PCSK7: variants seen among roughly 807,000 people sequenced by gnomAD.
PCSK7 encodes lymphoma proprotein convertase.
Under a neutral mutation model 73.3 loss-of-function variants are expected in PCSK7, and 38 were observed. That is an observed-to-expected ratio of 0.52 (90% CI 0.40 to 0.68). The LOEUF (loss-of-function observed/expected upper bound fraction) is 0.68, where lower values mean the gene tolerates loss of function less well. Ranked by LOEUF, PCSK7 falls within the 30% of genes least tolerant of loss-of-function variation. The pLI, the probability that PCSK7 is intolerant of heterozygous loss-of-function variation, is 0.00. For missense variants in PCSK7, 692 were observed against 991.5 expected (o/e 0.70, Z 4.06); for synonymous variants, 296 against 383.8 (o/e 0.77, Z 2.68).
Position 117,225,962 on chromosome 11 carries a change from G to T in PCSK7, c.829C>A (p.His277Asn). 6.2e-7 allele frequency: 1 copy of T among 1,611,518 alleles called. No individual in the cohort carries two copies. The highest frequency in any genetic ancestry group is 8.5e-7 in the Non-Finnish European group (1 of 1,177,638). The change falls in exon 6 of 17, where the codon CAC (histidine) becomes AAC (asparagine). Residue 277 changes from histidine (H) to asparagine (N), a missense_variant. His to Asn is a moderately conservative substitution (Grantham distance 68, BLOSUM62 1). This residue lies in a region of PCSK7 where 574 missense variants were observed against 689.8 expected (regional missense o/e 0.83). Transcript: ENST00000320934. ...CTGTAGATGTCATTGATCTGATAGT[G>T]CTTGTTGAACGCCACTGCCTCCATG... is the stretch of plus-strand genomic sequence containing the variant. ...DSMEAVAFNKHYQINDIYSCS... is the reference protein window; with the variant it reads ...DSMEAVAFNKNYQINDIYSCS...
chr11:117,215,367 TGTGTG>T (rs2134301426), intron 12 of PCSK7: 1 of 67,312 alleles, frequency 1.5e-5, no homozygotes, highest in Non-Finnish European at 2.4e-5. Context: ...GGCTAATTTG[TGTGTG>T]TGTGTGTGTA....
intron 9 of PCSK7, 145 bp from the exon 10 acceptor site, chr11:117,219,903 C>T: frequency 1.9e-6 from 1 of 532,880 alleles, no homozygotes. Context: ...CACTGCACTC[C>T]AGCCTAGGTG....
chr11:117,223,153 G>T, intron 9 of PCSK7, 55 bp downstream of exon 9: 1 of 1,001,396 alleles, frequency 1.0e-6, no homozygotes, highest in Non-Finnish European at 1.6e-6. Flanking sequence ...TGATGTCTGA[G>T]ACGTGAAGTC....
At chr11:117,227,524 C>A (rs1210380314) in intron 4 of PCSK7, among the ~76,000 whole-genome samples, 4 of 152,208 alleles carry the variant, frequency 2.6e-5, no homozygotes, top group Non-Finnish European at 5.9e-5. Context: ...CTCACTGCAA[C>A]AACTGCCTCC....
chr11:117,229,631 G>T lies in PCSK7; in HGVS notation c.214C>A (p.Gln72Lys). ...EGDGEEETLE[Q>K]QADALAQAAG... ...GCCTGGGCCAAGGCATCCGCCTGCT[G>T]CTCCAGAGTCTCTTCCTCCCCGTCA... Residue 72 changes from glutamine (Q) to lysine (K), a missense_variant, in exon 3 of 17, where the codon CAG (glutamine) becomes AAG (lysine). By Grantham distance (53) the Gln-to-Lys change is moderately conservative. Around this residue, in one of 6 missense-constraint regions of PCSK7, gnomAD observed 574 missense variants for 689.8 expected, o/e 0.83. Coordinates refer to ENST00000320934, the MANE Select transcript of PCSK7 (RefSeq NM_004716.4). 1 of 1,614,044 alleles carries T rather than the reference G, an allele frequency of 6.2e-7. No individual in the cohort carries two copies. Among genetic ancestry groups the T allele is most frequent in the Non-Finnish European group, 8.5e-7 (1 of 1,179,888 alleles).
In PCSK7 at chr11:117,218,324, G is replaced by A. The variant is rs568564347; in HGVS notation, c.1534+142C>T. 4 of 463,186 alleles carry A rather than the reference G, an allele frequency of 8.6e-6. No individual in the cohort carries two copies. In the South Asian group the frequency reaches 9.8e-5, roughly 11 times the overall value. The allele number at this position is 463,186 out of a possible 1,614,324, so 28.7% of individuals were successfully genotyped here. On this transcript the variant is annotated intron_variant, in intron 12 of 16. Coordinates refer to ENST00000320934, the MANE Select transcript of PCSK7 (RefSeq NM_004716.4). The surrounding 1 kb of genome is among the most constrained non-coding windows in gnomAD (Gnocchi z 4.0). ...CAGAAGCAGTAACATGTCCTAAAATGGTCAAAGAAAACTCCACAGGTTTGG... is the reference window on the plus strand; with the variant it reads ...CAGAAGCAGTAACATGTCCTAAAATAGTCAAAGAAAACTCCACAGGTTTGG...
intron 5 of PCSK7, 189 bp downstream of exon 5, chr11:117,226,968 A>G (rs1231202902): frequency 6.1e-6 from 3 of 490,992 alleles, no homozygotes; most frequent in Non-Finnish European, 1.1e-5. Context: ...TGTTTGAAAC[A>G]CCACTGCACT....
chr11:117,219,544 C>G (rs2032112679), intron 10 of PCSK7, 47 bp downstream of exon 10: 1 of 1,577,674 alleles, frequency 6.3e-7, no homozygotes, highest in Non-Finnish European at 8.6e-7. Context: ...TACCCGAACT[C>G]TGGAGCAGGC....
At position 117,228,324 on chromosome 11, in the gene PCSK7, G is replaced by A; in HGVS notation, c.495C>T (p.Asp165=). ...HLNNRRSPGR[D]INVTGVWERN... is the part of the protein sequence containing the mutation. Reference sequence around the variant, plus strand: ...GTTCCCACACACCCGTCACGTTGATGTCCCTGCCCGGGCTCCGTCGGTTAT... The same window carrying A: ...GTTCCCACACACCCGTCACGTTGATATCCCTGCCCGGGCTCCGTCGGTTAT... The change falls in exon 4 of 17, where the codon GAC becomes GAT. Residue 165 remains aspartate, a synonymous_variant. Transcript: ENST00000320934. 6.2e-7 allele frequency: 1 copy of A among 1,614,022 alleles called. No homozygotes were observed. The highest frequency in any genetic ancestry group is 8.5e-7 in the Non-Finnish European group (1 of 1,179,890).
Position 117,227,189 on chromosome 11 carries a change from G to A in PCSK7, c.737C>T (p.Ala246Val). Reference protein sequence around the residue: ...IAAVPNNSFCAVGVAYGSRIA... With the variant: ...IAAVPNNSFCVVGVAYGSRIA... ...GCGGCTCCCGTAGGCCACGCCCACGGCACAGAAGCTGTTGTTGGGCACAGC... is the reference window on the plus strand; with the variant it reads ...GCGGCTCCCGTAGGCCACGCCCACGACACAGAAGCTGTTGTTGGGCACAGC... The change falls in exon 5 of 17, where the codon GCC becomes GTC. Residue 246 changes from alanine to valine, a missense_variant. Around this residue, in one of 6 missense-constraint regions of PCSK7, gnomAD observed 574 missense variants for 689.8 expected, o/e 0.83. Transcript: ENST00000320934. The A allele has an allele frequency of 6.2e-7, 1 of 1,610,270 alleles. No individual in the cohort carries two copies. Among genetic ancestry groups the A allele is most frequent in the Non-Finnish European group, 8.5e-7 (1 of 1,178,362 alleles).
At position 117,229,528 on chromosome 11, in the gene PCSK7, G is replaced by C; in HGVS notation, c.317C>G (p.Pro106Arg). The C allele has an allele frequency of 5.6e-6, 9 of 1,613,210 alleles. No individual in the cohort carries two copies. The highest frequency in any genetic ancestry group is 7.6e-6 in the Non-Finnish European group (9 of 1,180,028). The change falls in exon 3 of 17, where the codon CCG (proline) becomes CGG (arginine). Residue 106 changes from proline to arginine, a missense_variant. Around this residue, in one of 6 missense-constraint regions of PCSK7, gnomAD observed 574 missense variants for 689.8 expected, o/e 0.83. Coordinates refer to ENST00000320934, the MANE Select transcript of PCSK7 (RefSeq NM_004716.4). ...CCGGATGGCCTCCACCTCCAGGGCC[G>C]GCCTGTGCCCAGCAGGCTGGACAAA... is the stretch of plus-strand genomic sequence containing the variant. ...YLFVQPAGHR[P>R]ALEVEAIRQQ...
At chr11:117,227,409 T>C in intron 4 of PCSK7, 87 bp from the exon 5 acceptor site, 1 of 1,002,596 alleles carries the variant, frequency 1.0e-6, no homozygotes, top group South Asian at 1.3e-5. Flanking sequence ...GAAATGGGAG[T>C]TTGGGAATCG....
At chr11:117,226,281 G>A (rs571015021) in intron 5 of PCSK7, 42 of 473,216 alleles carry the variant, frequency 8.9e-5, no homozygotes, top group African/African-American at 7.2e-4. Context: ...GACTACAGGC[G>A]CATGCCACCA....
Position 117,219,071 on chromosome 11 carries a change from C to A in PCSK7, c.1417G>T (p.Val473Leu), listed in dbSNP as rs2032096060. The A allele has an allele frequency of 1.2e-6, 2 of 1,608,196 alleles. No individual in the cohort carries two copies. The highest frequency in any genetic ancestry group is 1.7e-6 in the Non-Finnish European group (2 of 1,178,854). The change falls in exon 11 of 17, where the codon GTG becomes TTG. Residue 473 changes from valine (V) to leucine (L), a missense_variant. Transcript: ENST00000320934. Reference protein sequence around the residue: ...GFGLLNAWRLVNAAKIWTSVP... With the variant: ...GFGLLNAWRLLNAAKIWTSVP... The stretch of plus-strand genomic sequence containing the variant: ...CACCTGTTCACCTTGGCTGCATTCA[C>A]GAGCCTCCAGGCGTTGAGGAGGCCG...
chr11:117,226,372 G>A (rs898889106), intron 5 of PCSK7: 8 of 267,584 alleles, frequency 3.0e-5, no homozygotes, highest in Admixed American at 1.4e-4. Context: ...CTGACCTCAA[G>A]TGATCTGCCT....
chr11:117,225,537 C>T (rs1244145610), intron 6 of PCSK7: 1 of 214,258 alleles, frequency 4.7e-6, no homozygotes, highest in Non-Finnish European at 9.5e-6. Flanking sequence ...TGTGGGCCCC[C>T]AACCCCATTT....
intron 9 of PCSK7, chr11:117,220,727 T>A (rs1488372170): frequency 4.6e-5 from 7 of 152,254 alleles, no homozygotes; most frequent in Non-Finnish European, 1.0e-4. Flanking sequence ...ATTTGGCAGC[T>A]CCGCGACAGG....
At chr11:117,230,951 C>T (rs150163170) in intron 1 of PCSK7, among the ~76,000 whole-genome samples, 56 of 152,014 alleles carry the variant, frequency 3.7e-4, no homozygotes, top group African/African-American at 1.4e-3. Context: ...GCAGCTACTC[C>T]TGTACTGAGC....
At chr11:117,223,565 T>C (rs2032291047) in intron 8 of PCSK7, 2 of 526,294 alleles carry the variant, frequency 3.8e-6, no homozygotes, top group South Asian at 4.9e-5. Flanking sequence ...TCTACCTTCA[T>C]ACCCACTTAT....
Sources: gnomAD v4.1 joint callset for allele counts (sites outside exome capture counted in the v4.1 genomes callset) on GRCh38, gnomAD v4.1.1 for gene constraint, gnomAD v4.1.1 regional missense constraint, Gnocchi (gnomAD v3.1) non-coding constraint, MANE v1.5 for transcripts, NCBI Gene and HGNC (gene_info 2026-07-23, HGNC 2026-07-21) for gene names.